Variants in NNT observed in about 807,000 individuals in gnomAD.
NNT encodes the protein nicotinamide nucleotide transhydrogenase, also known as NAD(P) transhydrogenase, mitochondrial.
In NNT, 50 loss-of-function variants were observed where a neutral mutation model predicts 104.8. That is an observed-to-expected ratio of 0.48 (90% CI 0.38 to 0.60). The LOEUF (loss-of-function observed/expected upper bound fraction) is 0.60, where lower values mean the gene tolerates loss of function less well. Ranked by LOEUF, NNT falls within the 20% of genes least tolerant of loss-of-function variation. The pLI is 0.00. For missense variants in NNT, 1,131 were observed against 1,330.7 expected, an observed-to-expected ratio of 0.85 and a Z score of 2.33; for synonymous variants, 461 against 490.4, an observed-to-expected ratio of 0.94 and a Z score of 0.79.
chr5:43,627,942 T>C (rs981014828), intron 6 of NNT, among the ~76,000 whole-genome samples: 1 of 152,154 alleles, frequency 6.6e-6, no homozygotes, highest in Non-Finnish European at 1.5e-5. Context: ...GAGTTGGCAA[T>C]TGTGAAATCG....
intron 17 of NNT, chr5:43,666,900 A>G: frequency 6.4e-7 from 1 of 1,563,708 alleles, no homozygotes; most frequent in South Asian, 1.1e-5. Context: ...CCTTGGCAAT[A>G]CAGGCACAAA....
chr5:43,609,770 G>A (rs758790996), intron 2 of NNT, among the ~76,000 whole-genome samples: 5 of 152,182 alleles, frequency 3.3e-5, no homozygotes, highest in Non-Finnish European at 5.9e-5. Context: ...CAATTTGATT[G>A]CAGTTGCTCA....
intron 17 of NNT, chr5:43,667,379 T>C: frequency 2.2e-6 from 1 of 445,408 alleles, no homozygotes; most frequent in South Asian, 2.7e-5. Flanking sequence ...CCATTAACTA[T>C]TTACATTAGG....
chr5:43,688,016 T>A (rs1014221159), intron 19 of NNT, among the ~76,000 whole-genome samples: 1 of 152,124 alleles, frequency 6.6e-6, no homozygotes, highest in Non-Finnish European at 1.5e-5. Context: ...ACAACGTATA[T>A]ATTGGGTTAT....
At chr5:43,655,757 G>T in intron 14 of NNT, 83 bp from the exon 15 acceptor site, 1 of 935,024 alleles carries the variant, frequency 1.1e-6, no homozygotes, top group Non-Finnish European at 1.7e-6. Context: ...TGACAATGGT[G>T]GAAATCCTTA....
chr5:43,649,913 A>G (rs1400765618), intron 11 of NNT, among the ~76,000 whole-genome samples: 1 of 152,218 alleles, frequency 6.6e-6, no homozygotes, highest in Admixed American at 6.5e-5. Context: ...TTGGACAAGC[A>G]TAGGAGCTGT....
intron 2 of NNT, among the ~76,000 whole-genome samples, chr5:43,610,234 A>G (rs1737739111): frequency 6.8e-6 from 1 of 147,032 alleles, no homozygotes; most frequent in Admixed American, 6.9e-5. Flanking sequence ...AAGCAGCAGC[A>G]AGATTTATTG....
At chr5:43,622,729 A>G (rs1750161291) in intron 5 of NNT, among the ~76,000 whole-genome samples, 1 of 152,238 alleles carries the variant, frequency 6.6e-6, no homozygotes. Context: ...AGTTAGTAAC[A>G]GAGTCAGGAT....
intron 19 of NNT, among the ~76,000 whole-genome samples, chr5:43,682,699 A>T (rs1741788531): frequency 6.6e-6 from 1 of 152,244 alleles, no homozygotes; most frequent in African/African-American, 2.4e-5. Context: ...TTGAGTAACG[A>T]AATAGACATT....
rs114128372 is a variant in NNT at position 43,635,730 on chromosome 5, T to C, written c.964+7343T>C. 5.6e-3 allele frequency among the ~76,000 whole-genome samples: 859 copies of C among 152,266 alleles called. 6 individuals are homozygous for C. The highest frequency in any genetic ancestry group is 0.019 in the African/African-American group (780 of 41,556). ...ATGGTCTTTCCTCTGTGTGTGTGCA[T>C]TCCTTGTTTCTCTTTTTATGCTTCA... On this transcript the variant is annotated intron_variant, in intron 7 of 21. Transcript: ENST00000344920.
At chr5:43,607,398 T>C (rs972942325) in intron 1 of NNT, among the ~76,000 whole-genome samples, 8 of 152,156 alleles carry the variant, frequency 5.3e-5, no homozygotes, top group Admixed American at 6.5e-5. Flanking sequence ...ACTGAGCACC[T>C]TGTGACCCCC....
chr5:43,702,727 A>G lies in NNT; in HGVS notation c.3102A>G (p.Lys1034=). 6.2e-7 allele frequency: 1 copy of G among 1,608,196 alleles called. No homozygotes were observed. The highest frequency in any genetic ancestry group is 8.5e-7 in the Non-Finnish European group (1 of 1,176,668). Residue 1034 remains lysine (K), a synonymous_variant, in exon 21 of 22, where the codon AAA becomes AAG. Coordinates refer to ENST00000344920, the MANE Select transcript of NNT (RefSeq NM_182977.3). ...GCATGCCAGTCCTTGAGGTCTGGAAATCAAAGCAGGTAAAGTTTCAGACTT... is the reference window on the plus strand; with the variant it reads ...GCATGCCAGTCCTTGAGGTCTGGAAGTCAAAGCAGGTAAAGTTTCAGACTT... The part of the protein sequence containing the change: ...IAGMPVLEVW[K]SKQVIVMKRS...
At chr5:43,691,933 T>C (rs928390158) in intron 19 of NNT, among the ~76,000 whole-genome samples, 1 of 152,194 alleles carries the variant, frequency 6.6e-6, no homozygotes, top group Non-Finnish European at 1.5e-5. Flanking sequence ...AACAGTGCAT[T>C]AAAATACATA....
intron 7 of NNT, among the ~76,000 whole-genome samples, chr5:43,630,784 C>A (rs13188683): frequency 0.034 from 5,152 of 152,190 alleles, 135 homozygotes; most frequent in East Asian, 0.12. Flanking sequence ...ATAATGAATA[C>A]CATACTGACT....
intron 16 of NNT, 67 bp downstream of exon 16, chr5:43,656,880 T>A: frequency 6.9e-7 from 1 of 1,441,090 alleles, no homozygotes; most frequent in Non-Finnish European, 9.4e-7. Flanking sequence ...TAGATTAAAG[T>A]GTAATCATAT....
At position 43,651,858 on chromosome 5, in the gene NNT, C is replaced by G; in HGVS notation, c.1837C>G (p.Leu613Val). 6.2e-7 allele frequency: 1 copy of G among 1,614,110 alleles called. No homozygotes were observed. Among genetic ancestry groups the G allele is most frequent in the Non-Finnish European group, 8.5e-7 (1 of 1,180,020 alleles). Residue 613 changes from leucine (L) to valine (V), a missense_variant, in exon 13 of 22, where the codon CTC becomes GTC. Coordinates refer to ENST00000344920, the MANE Select transcript of NNT (RefSeq NM_182977.3). ...GTFVGGYLAA[L>V]YSGYNIEQIM... ...CTTTGTTGGTGGATATTTAGCTGCC[C>G]TCTACAGTGGTTATAACATTGAACA...
intron 19 of NNT, among the ~76,000 whole-genome samples, chr5:43,681,168 G>C (rs960468773): frequency 6.0e-5 from 9 of 149,592 alleles, no homozygotes; most frequent in African/African-American, 2.2e-4. Context: ...GGTGAGGCAG[G>C]AGAATGGCGT....
chr5:43,691,146 C>A (rs1269762362), intron 19 of NNT, among the ~76,000 whole-genome samples: 2 of 151,516 alleles, frequency 1.3e-5, no homozygotes, highest in African/African-American at 4.9e-5. Flanking sequence ...GTCACCCAGG[C>A]TGGAGTGCAG....
intron 7 of NNT, among the ~76,000 whole-genome samples, chr5:43,642,532 CT>C (rs1238570718): frequency 6.6e-6 from 1 of 152,148 alleles, no homozygotes; most frequent in Non-Finnish European, 1.5e-5. Context: ...CAAAATGTCT[CT>C]TGATTCTTGC....
Sources: gnomAD v4.1 joint callset for allele counts (sites outside exome capture counted in the v4.1 genomes callset) on GRCh38, gnomAD v4.1.1 for gene constraint, MANE v1.5 for transcripts, NCBI Gene and HGNC (gene_info 2026-07-23, HGNC 2026-07-21) for gene names.